The following IMPG1 variants were observed in gnomAD, a reference collection of about 807,000 sequenced individuals.
IMPG1 encodes the protein interphotoreceptor matrix proteoglycan 1.
Under a neutral mutation model 92.0 loss-of-function variants are expected in IMPG1, and 85 were observed. The observed-to-expected ratio is 0.92, with a 90% CI of 0.78 to 1.11. The LOEUF (loss-of-function observed/expected upper bound fraction) is 1.11. Among genes scored for constraint, IMPG1 ranks in the 50% least tolerant of loss-of-function variants. The pLI is 0.00. For missense variants in IMPG1, 1,022 were observed against 956.0 expected (o/e 1.07, Z -0.91); for synonymous variants, 367 against 334.1 (o/e 1.10, Z -1.08).
chr6:76,023,791 T>G (rs774364634), intron 5 of IMPG1, among the ~76,000 whole-genome samples: 2 of 152,180 alleles, frequency 1.3e-5, no homozygotes, highest in Non-Finnish European at 2.9e-5. Context: ...GGGGTCATAT[T>G]AACTTACTCT....
At chr6:76,034,882 T>C (rs1407545501) in intron 2 of IMPG1, 95 bp from the exon 3 acceptor site, 2 of 1,032,294 alleles carry the variant, frequency 1.9e-6, no homozygotes, top group African/African-American at 1.6e-5. Context: ...TTTCATGGCT[T>C]ATGTCGACAC....
intron 14 of IMPG1, among the ~76,000 whole-genome samples, chr6:75,938,570 T>G (rs1051016604): frequency 6.6e-6 from 1 of 152,160 alleles, no homozygotes. Flanking sequence ...CCCAGCACTT[T>G]TGGAGGCCAA....
At chr6:75,933,639 C>T (rs1046403080) in intron 14 of IMPG1, among the ~76,000 whole-genome samples, 6 of 152,172 alleles carry the variant, frequency 3.9e-5, no homozygotes, top group African/African-American at 9.6e-5. Context: ...GCCAGAGGTC[C>T]GGGCCTAGTC....
intron 14 of IMPG1, chr6:75,934,848 C>T: frequency 2.3e-6 from 1 of 428,068 alleles, no homozygotes; most frequent in South Asian, 1.7e-5. Context: ...GTCCTACTGG[C>T]TGTGTGCTGA....
chr6:76,023,350 C>A (rs1001333606), intron 5 of IMPG1, among the ~76,000 whole-genome samples: 1 of 152,136 alleles, frequency 6.6e-6, no homozygotes, highest in South Asian at 2.1e-4. Flanking sequence ...TATGAATAAT[C>A]GGTTTATGCT....
At chr6:75,973,895 T>C (rs1392811214) in intron 12 of IMPG1, among the ~76,000 whole-genome samples, 1 of 152,246 alleles carries the variant, frequency 6.6e-6, no homozygotes, top group Admixed American at 6.5e-5. Context: ...ATTTGTGAAA[T>C]GAGGCTGATA....
chr6:76,003,958 T>TA lies in IMPG1; in HGVS notation c.1136-9dup, dbSNP rs773504793. On this transcript the variant is annotated splice_polypyrimidine_tract_variant and intron_variant, in intron 10 of 16. Coordinates refer to ENST00000369950, the MANE Select transcript of IMPG1 (RefSeq NM_001563.4). ...GCAGTGATCCAGCAATTTCTATGGG[T>TA]AAAAAATCACAAGATTTGAATGTAT... 55 of 1,605,524 alleles carry TA rather than the reference T, an allele frequency of 3.4e-5. No individual in the cohort carries two copies. In the African/African-American group the frequency reaches 5.4e-4, roughly 16 times the overall value.
At chr6:75,977,501 C>T (rs2794285) in intron 12 of IMPG1, among the ~76,000 whole-genome samples, 5,304 of 151,534 alleles carry the variant, frequency 0.035, 131 homozygotes, top group African/African-American at 0.066. Flanking sequence ...GCAGGAGAAT[C>T]GCTTGAACCC....
chr6:75,950,944 A>T lies in IMPG1; in HGVS notation c.1442T>A (p.Ile481Asn), dbSNP rs772543646. 2 of 1,613,924 alleles carry T rather than the reference A, an allele frequency of 1.2e-6. No homozygotes were observed. Among genetic ancestry groups the T allele is most frequent in the South Asian group, 2.2e-5 (2 of 91,078 alleles). The change falls in exon 13 of 17, where the codon ATC (isoleucine) becomes AAC (asparagine). Residue 481 changes from isoleucine to asparagine, a missense_variant. Physicochemically the swap from Ile to Asn is moderately radical, Grantham distance 149. Around this residue, in one of 3 missense-constraint regions of IMPG1, gnomAD observed 681 missense variants for 583.6 expected, o/e 1.17. Transcript: ENST00000369950. ...DQTMLVPGLT[I>N]PTSDYSAISQ... ...GATTGCAGAATAATCACTGGTGGGGATGGTGAGCCCTGGTACTAGCATTGT... is the reference window on the plus strand; with the variant it reads ...GATTGCAGAATAATCACTGGTGGGGTTGGTGAGCCCTGGTACTAGCATTGT...
chr6:76,030,667 C>T (rs1385760376), intron 4 of IMPG1, among the ~76,000 whole-genome samples: 5 of 152,174 alleles, frequency 3.3e-5, no homozygotes, highest in African/African-American at 1.2e-4. Context: ...AGTCATGCAA[C>T]CAGAGCCTCG....
Position 75,950,716 on chromosome 6 carries a change from T to C in IMPG1, c.1670A>G (p.Gln557Arg), listed in dbSNP as rs963852045. ...LEDTTPVSAL[Q>R]YITTSSMTIA... ...GGTCATAGAACTAGTGGTGATATAC[T>C]GTAAAGCTGAGACAGGAGTGGTATC... is the stretch of plus-strand genomic sequence containing the variant. Residue 557 changes from glutamine (Q) to arginine (R), a missense_variant, in exon 13 of 17, where the codon CAG becomes CGG. Around this residue, in one of 3 missense-constraint regions of IMPG1, gnomAD observed 332 missense variants for 346.2 expected, o/e 0.96. Coordinates refer to ENST00000369950, the MANE Select transcript of IMPG1 (RefSeq NM_001563.4). 6.8e-6 allele frequency: 11 copies of C among 1,614,026 alleles called. No homozygotes were observed. The highest frequency in any genetic ancestry group is 2.2e-5 in the East Asian group (1 of 44,888).
intron 14 of IMPG1, among the ~76,000 whole-genome samples, chr6:75,941,414 C>A (rs1040646872): frequency 1.3e-5 from 2 of 152,174 alleles, no homozygotes; most frequent in African/African-American, 4.8e-5. Context: ...AAACAGAGAC[C>A]ACCTGTGGGT....
At chr6:76,012,562 T>C (rs532282204) in intron 7 of IMPG1, among the ~76,000 whole-genome samples, 2 of 152,302 alleles carry the variant, frequency 1.3e-5, no homozygotes, top group South Asian at 4.1e-4. Context: ...AGCTTTCCTG[T>C]TGGAGACTGG....
chr6:76,009,094 A>T (rs2149479046), intron 8 of IMPG1, among the ~76,000 whole-genome samples: 1 of 152,260 alleles, frequency 6.6e-6, no homozygotes, highest in African/African-American at 2.4e-5. Context: ...AATATATGAC[A>T]ATTTGTTGCC....
At chr6:76,004,045 C>T (rs1783047666) in intron 10 of IMPG1, 95 bp from the exon 11 acceptor site, 3 of 849,986 alleles carry the variant, frequency 3.5e-6, no homozygotes, top group Non-Finnish European at 5.6e-6. Flanking sequence ...TGCGGAATAA[C>T]CAATCCTTAA....
intron 16 of IMPG1, among the ~76,000 whole-genome samples, chr6:75,923,241 AT>A (rs1781459310): frequency 6.6e-6 from 1 of 152,018 alleles, no homozygotes; most frequent in Non-Finnish European, 1.5e-5. Context: ...GTTTCTTCAT[AT>A]TTTCTACATA....
intron 3 of IMPG1, 96 bp downstream of exon 3, chr6:76,034,525 C>A: frequency 7.3e-7 from 1 of 1,366,226 alleles, no homozygotes. Context: ...TTCAATTAAC[C>A]CTTACGTTGT....
At chr6:75,989,202 C>T (rs1471256480) in intron 12 of IMPG1, among the ~76,000 whole-genome samples, 1 of 152,176 alleles carries the variant, frequency 6.6e-6, no homozygotes, top group Non-Finnish European at 1.5e-5. Flanking sequence ...GATCCTCCTG[C>T]CTCAGCCCCC....
chr6:76,025,162 T>G, intron 5 of IMPG1, 32 bp downstream of exon 5: 1 of 1,330,812 alleles, frequency 7.5e-7, no homozygotes, highest in Non-Finnish European at 1.1e-6. Flanking sequence ...TGAATGAAAG[T>G]TGAGAAGCAA....
Sources: allele counts gnomAD v4.1 joint callset (sites outside exome capture counted in the v4.1 genomes callset), GRCh38; gene constraint gnomAD v4.1.1; regional missense constraint gnomAD v4.1.1; transcripts MANE v1.5; gene names NCBI Gene and HGNC (gene_info 2026-07-23, HGNC 2026-07-21).